Variants in TANGO6 observed in about 807,000 individuals in gnomAD.
The protein encoded by TANGO6 is transport and Golgi organization protein 6 homolog.
A neutral mutation model predicts 114.2 loss-of-function variants in TANGO6; 90 were observed. That is an observed-to-expected ratio of 0.79 (90% confidence interval 0.66 to 0.94). TANGO6 has a LOEUF of 0.94. Among genes scored for constraint, TANGO6 ranks in the 40% least tolerant of loss-of-function variants. The pLI is 0.00. For synonymous variants in TANGO6, 477 were observed against 509.8 expected, an observed-to-expected ratio of 0.94 and a Z score of 0.87; for missense variants, 1,274 against 1,315.3, an observed-to-expected ratio of 0.97 and a Z score of 0.49.
chr16:68,974,531 G>A (rs1963742025), intron 15 of TANGO6, among the ~76,000 whole-genome samples: 1 of 152,036 alleles, frequency 6.6e-6, no homozygotes, highest in South Asian at 2.1e-4. Flanking sequence ...GCGTGGTGGT[G>A]TACGCCTGTA....
intron 17 of TANGO6, among the ~76,000 whole-genome samples, chr16:69,076,162 G>A (rs1015634624): frequency 7.8e-5 from 11 of 141,462 alleles, no homozygotes; most frequent in Admixed American, 7.6e-5. Context: ...CACAATCTAG[G>A]CTCACTGCAA....
At chr16:69,049,738 CT>C (rs999346593) in intron 17 of TANGO6, among the ~76,000 whole-genome samples, 95 of 146,136 alleles carry the variant, frequency 6.5e-4, no homozygotes, top group Admixed American at 8.9e-4. Flanking sequence ...CTATGTCTGG[CT>C]TTTTTTTTTT....
chr16:69,027,782 A>ATT lies in TANGO6; in HGVS notation c.2994+4818_2994+4819dup, dbSNP rs34656903. ...TGGTCCATGATCTGAACCAAACCCA[A>ATT]TTTTTTTTTTTTTTTTGAGACGAAT... On this transcript the variant is annotated intron_variant, in intron 16 of 17. Transcript: ENST00000261778. 3.4e-4 allele frequency among the ~76,000 whole-genome samples: 47 copies of ATT among 139,818 alleles called. 1 individual carries two copies. Among genetic ancestry groups the ATT allele is most frequent in the African/African-American group, 6.8e-4 (26 of 38,114 alleles). The allele number at this position is 139,818 out of a possible 152,430, so 91.7% of individuals were successfully genotyped here.
chr16:68,847,332 AGAG>A (rs1472589192), intron 1 of TANGO6, among the ~76,000 whole-genome samples: 35 of 152,308 alleles, frequency 2.3e-4, no homozygotes, highest in African/African-American at 7.9e-4. Flanking sequence ...AGACCCCCTG[AGAG>A]GGTCTTGGGA....
chr16:69,059,220 C>T (rs769019664), intron 17 of TANGO6, among the ~76,000 whole-genome samples: 1 of 151,750 alleles, frequency 6.6e-6, no homozygotes, highest in Non-Finnish European at 1.5e-5. Context: ...GAAGTGTACG[C>T]CACCACGCCT....
intron 15 of TANGO6, chr16:69,007,283 TTTTCGAGACTGAG>T (rs1964101136): frequency 6.7e-6 from 1 of 149,470 alleles, no homozygotes; most frequent in African/African-American, 2.5e-5. Flanking sequence ...TTTTTTTTTT[TTTTCGAGACTGAG>T]TTTCGCTCTG....
At chr16:68,858,832 C>T (rs146357741) in intron 1 of TANGO6, among the ~76,000 whole-genome samples, 1 of 152,286 alleles carries the variant, frequency 6.6e-6, no homozygotes, top group Non-Finnish European at 1.5e-5. Context: ...TCTCTATAAG[C>T]ATTGCTTTAG....
intron 17 of TANGO6, among the ~76,000 whole-genome samples, chr16:69,058,834 T>G (rs1226706243): frequency 6.6e-6 from 1 of 151,384 alleles, no homozygotes; most frequent in Non-Finnish European, 1.5e-5. Context: ...CCTGGCTAAT[T>G]TTTTTGTATT....
chr16:69,050,411 G>C (rs1368114025), intron 17 of TANGO6, among the ~76,000 whole-genome samples: 10 of 151,946 alleles, frequency 6.6e-5, no homozygotes, highest in Non-Finnish European at 2.9e-5. Context: ...GCACGATCAT[G>C]GCTCGGTGCA....
Position 68,941,961 on chromosome 16 carries a change from G to GA in TANGO6, c.2701+11674dup, listed in dbSNP as rs965086651. 6.6e-5 allele frequency among the ~76,000 whole-genome samples: 10 copies of GA among 151,210 alleles called. No homozygotes were observed. In the East Asian group the frequency reaches 7.8e-4, roughly 12 times the overall value. On this transcript the variant is annotated intron_variant, in intron 14 of 17. Coordinates refer to ENST00000261778, the MANE Select transcript of TANGO6 (RefSeq NM_024562.2). ...AGGAAGACCCCCCATCTCTTAGGGGGAAAAAAAACAGAATTACAGGTTACT... is the reference window on the plus strand; with the variant it reads ...AGGAAGACCCCCCATCTCTTAGGGGGAAAAAAAAACAGAATTACAGGTTACT...
intron 11 of TANGO6, among the ~76,000 whole-genome samples, chr16:68,914,238 C>T (rs1008269072): frequency 2.0e-5 from 3 of 152,090 alleles, no homozygotes; most frequent in Admixed American, 6.6e-5. Context: ...CTCGGCTTAC[C>T]GCAACCTCTG....
intron 15 of TANGO6, among the ~76,000 whole-genome samples, chr16:68,988,551 ATT>A (rs1963917897): frequency 6.6e-6 from 1 of 152,024 alleles, no homozygotes; most frequent in African/African-American, 2.4e-5. Flanking sequence ...ATCCTAAGAA[ATT>A]TTTGTTTACC....
intron 17 of TANGO6, among the ~76,000 whole-genome samples, chr16:69,048,258 A>ATTTTTTTTTTTTTTTTTTTTTTTTTTTTT: frequency 9.0e-6 from 1 of 111,664 alleles, no homozygotes; most frequent in Non-Finnish European, 1.7e-5. Flanking sequence ...AATTTTTTGT[A>ATTTTTTTTTTTTTTTTTTTTTTTTTTTTT]TTTTTTTTTT....
At chr16:69,032,646 A>G (rs1489401379) in intron 16 of TANGO6, among the ~76,000 whole-genome samples, 5 of 152,106 alleles carry the variant, frequency 3.3e-5, no homozygotes, top group African/African-American at 1.2e-4. Context: ...TGGGAGGCCA[A>G]GGTGGGTGGA....
chr16:68,861,282 GC>G (rs1189933942), intron 2 of TANGO6, among the ~76,000 whole-genome samples: 1 of 152,150 alleles, frequency 6.6e-6, no homozygotes, highest in Non-Finnish European at 1.5e-5. Flanking sequence ...GGTCAGTGCG[GC>G]CCCCAGGCGC....
intron 16 of TANGO6, among the ~76,000 whole-genome samples, chr16:69,039,303 G>A (rs1002626694): frequency 1.3e-5 from 2 of 151,364 alleles, no homozygotes; most frequent in Non-Finnish European, 2.9e-5. Context: ...ACTCCAGCCT[G>A]GGCAACAGAG....
At chr16:69,005,539 C>T (rs1964084654) in intron 15 of TANGO6, among the ~76,000 whole-genome samples, 1 of 152,078 alleles carries the variant, frequency 6.6e-6, no homozygotes, top group Non-Finnish European at 1.5e-5. Context: ...TGCCTGTAAT[C>T]TCAGGAGGCC....
chr16:68,926,619 C>T (rs1963170929), intron 12 of TANGO6, among the ~76,000 whole-genome samples: 1 of 151,620 alleles, frequency 6.6e-6, no homozygotes, highest in Admixed American at 6.6e-5. Context: ...CCTCTGCCTC[C>T]CGGGTTTAAG....
chr16:69,053,249 A>AAT (rs905789054), intron 17 of TANGO6, among the ~76,000 whole-genome samples: 1 of 152,024 alleles, frequency 6.6e-6, no homozygotes, highest in East Asian at 1.9e-4. Context: ...TGCTCTCACA[A>AAT]ATATATATAT....
Sources: gnomAD v4.1 joint callset for allele counts (sites outside exome capture counted in the v4.1 genomes callset) on GRCh38, gnomAD v4.1.1 for gene constraint, MANE v1.5 for transcripts, NCBI Gene and HGNC (gene_info 2026-07-23, HGNC 2026-07-21) for gene names.